Variants in KCNIP3 observed in about 807,000 individuals in gnomAD.
KCNIP3 encodes the protein calsenilin.
KCNIP3 carries 28 observed loss-of-function variants against 35.0 expected under a neutral mutation model. The ratio of observed to expected loss-of-function variants is 0.80; its 90% CI spans 0.59 to 1.10. The LOEUF is 1.10. Among genes scored for constraint, KCNIP3 ranks in the 50% least tolerant of loss-of-function variants. The pLI is 0.00. For missense variants in KCNIP3, 295 were observed against 338.4 expected, an observed-to-expected ratio of 0.87 and a Z score of 1.01; for synonymous variants, 134 against 133.8, an observed-to-expected ratio of 1.00 and a Z score of -0.01.
chr2:95,330,263 C>T (rs982576352), intron 2 of KCNIP3, among the ~76,000 whole-genome samples: 1 of 152,178 alleles, frequency 6.6e-6, no homozygotes, highest in African/African-American at 2.4e-5. Context: ...CTGGACAGGC[C>T]TCAGCCCAGA....
intron 5 of KCNIP3, 127 bp downstream of exon 5, chr2:95,375,335 A>C: frequency 1.2e-6 from 1 of 860,158 alleles, no homozygotes; most frequent in East Asian, 2.6e-5. Context: ...CTTGTGAGTC[A>C]CCCTGGGAAT....
At chr2:95,366,038 G>A (rs568423019) in intron 2 of KCNIP3, among the ~76,000 whole-genome samples, 1 of 152,198 alleles carries the variant, frequency 6.6e-6, no homozygotes, top group East Asian at 1.9e-4. Flanking sequence ...CTGGAGTGCA[G>A]TAGTGTGATC....
At chr2:95,329,976 C>G (rs1452777660) in intron 2 of KCNIP3, among the ~76,000 whole-genome samples, 1 of 152,250 alleles carries the variant, frequency 6.6e-6, no homozygotes, top group Admixed American at 6.5e-5. Flanking sequence ...GGAGGCCCCT[C>G]TCCCCATTTC....
rs188210982 is a variant in KCNIP3, at chr2:95,354,725, C to A, written c.182-19571C>A. Among the ~76,000 whole-genome samples the A allele has an allele frequency of 8.4e-3, 1,273 of 152,332 alleles. 25 individuals carry two copies. Among genetic ancestry groups the A allele is most frequent in the Non-Finnish European group, 7.8e-3 (529 of 68,036 alleles). On this transcript the variant is annotated intron_variant, in intron 2 of 8. Transcript: ENST00000295225. ...GTGACCTTGGGGCCTGTTGGGTCTG[C>A]AGCTACCTCTTGGCTTGGAGCAGGC...
intron 5 of KCNIP3, among the ~76,000 whole-genome samples, chr2:95,375,474 C>T (rs190773512): frequency 6.4e-4 from 98 of 152,112 alleles, no homozygotes; most frequent in African/African-American, 2.0e-3. Flanking sequence ...AGGGAGCCCC[C>T]GAGACACACA....
chr2:95,363,065 C>T (rs974919835), intron 2 of KCNIP3, among the ~76,000 whole-genome samples: 1 of 152,158 alleles, frequency 6.6e-6, no homozygotes, highest in South Asian at 2.1e-4. Flanking sequence ...TCTACGCTAT[C>T]TTCTTCTATT....
chr2:95,306,452 A>G (rs1573478648), intron 1 of KCNIP3, among the ~76,000 whole-genome samples: 1 of 152,216 alleles, frequency 6.6e-6, no homozygotes, highest in Admixed American at 6.5e-5. Context: ...CTGATGCGCT[A>G]AAGGGGAGAG....
At chr2:95,327,947 A>G (rs1207024708) in intron 2 of KCNIP3, among the ~76,000 whole-genome samples, 1 of 152,222 alleles carries the variant, frequency 6.6e-6, no homozygotes. Flanking sequence ...TTGCCGTAGA[A>G]TCTGCTGTGG....
chr2:95,303,551 C>G (rs1678090470), intron 1 of KCNIP3: 1 of 152,376 alleles, frequency 6.6e-6, no homozygotes, highest in Non-Finnish European at 1.5e-5. Context: ...TCCATAATAT[C>G]CCCAGCACCC....
chr2:95,364,527 G>A (rs1420832383), intron 2 of KCNIP3, among the ~76,000 whole-genome samples: 1 of 152,194 alleles, frequency 6.6e-6, no homozygotes, highest in East Asian at 1.9e-4. Flanking sequence ...TGGAGGTGGG[G>A]ACTAGTGGGA....
chr2:95,384,360 A>G lies in KCNIP3; in HGVS notation c.*311A>G, dbSNP rs1386385331. 2 of 415,882 alleles carry G rather than the reference A, an allele frequency of 4.8e-6. No individual in the cohort carries two copies. Among genetic ancestry groups the G allele is most frequent in the Non-Finnish European group, 8.7e-6 (2 of 229,166 alleles). The allele number at this position is 415,882 out of a possible 1,614,324, so 25.8% of individuals were successfully genotyped here. ...TGACAGAGCAGGTCTGCAGGCCACC[A>G]GCTGCTGGATGTCACCAAGAAGGGG... On this transcript the variant is annotated 3_prime_UTR_variant, in exon 9 of 9. Coordinates refer to ENST00000295225, the MANE Select transcript of KCNIP3 (RefSeq NM_013434.5).
intron 1 of KCNIP3, among the ~76,000 whole-genome samples, chr2:95,307,772 C>T (rs1309974587): frequency 6.6e-6 from 1 of 152,164 alleles, no homozygotes; most frequent in Non-Finnish European, 1.5e-5. Context: ...GGCTGGGGGT[C>T]CCAGTGAAGA....
intron 1 of KCNIP3, among the ~76,000 whole-genome samples, chr2:95,304,543 C>T (rs1421062400): frequency 2.6e-5 from 4 of 152,192 alleles, no homozygotes; most frequent in African/African-American, 4.8e-5. Flanking sequence ...GCCCCCAGGA[C>T]GCAGCTGACT....
intron 2 of KCNIP3, among the ~76,000 whole-genome samples, chr2:95,330,964 T>G (rs1297438412): frequency 6.6e-6 from 1 of 152,170 alleles, no homozygotes; most frequent in African/African-American, 2.4e-5. Context: ...GAGGGGTGCC[T>G]AGGGCAGGGC....
chr2:95,365,158 CTTTTT>C (rs75136882), intron 2 of KCNIP3, among the ~76,000 whole-genome samples: 4 of 120,512 alleles, frequency 3.3e-5, no homozygotes, highest in African/African-American at 6.2e-5. Context: ...GTCCTTATGT[CTTTTT>C]TTTTTTTTTT....
intron 2 of KCNIP3, among the ~76,000 whole-genome samples, chr2:95,322,950 G>A (rs1398860384): frequency 6.6e-6 from 1 of 152,206 alleles, no homozygotes; most frequent in African/African-American, 2.4e-5. Context: ...AAGAGCCACC[G>A]CGAGCAGGTC....
intron 2 of KCNIP3, chr2:95,313,122 C>T (rs1167035563): frequency 1.3e-5 from 2 of 152,502 alleles, no homozygotes; most frequent in Non-Finnish European, 2.9e-5. Context: ...CCTTGGGGTC[C>T]TGTGGGAGGG....
chr2:95,328,049 C>A (rs1211877133), intron 2 of KCNIP3, among the ~76,000 whole-genome samples: 1 of 152,242 alleles, frequency 6.6e-6, no homozygotes, highest in Non-Finnish European at 1.5e-5. Context: ...GGCCCCCACA[C>A]CCTCTCAGGG....
At chr2:95,332,771 G>C (rs1057427860) in intron 2 of KCNIP3, among the ~76,000 whole-genome samples, 2 of 152,140 alleles carry the variant, frequency 1.3e-5, no homozygotes, top group Non-Finnish European at 2.9e-5. Flanking sequence ...AGACAACATG[G>C]GGGTGGTGAA....
Sources: gnomAD v4.1 joint callset for allele counts (sites outside exome capture counted in the v4.1 genomes callset) on GRCh38, gnomAD v4.1.1 for gene constraint, MANE v1.5 for transcripts, NCBI Gene and HGNC (gene_info 2026-07-23, HGNC 2026-07-21) for gene names.